The following RB1CC1 variants were observed in gnomAD, a reference collection of about 807,000 sequenced individuals.
The protein encoded by RB1CC1 is RB1-inducible coiled-coil protein 1.
RB1CC1 carries 46 observed loss-of-function variants against 177.5 expected under a neutral mutation model. The ratio of observed to expected loss-of-function variants is 0.26; its 90% CI spans 0.20 to 0.33. The LOEUF is 0.33. Ranked by LOEUF, RB1CC1 falls within the 10% of genes least tolerant of loss-of-function variation. RB1CC1 has a pLI of 1.00. For synonymous variants in RB1CC1, 666 were observed against 613.6 expected, an observed-to-expected ratio of 1.09 and a Z score of -1.26; for missense variants, 1,703 against 1,816.3, an observed-to-expected ratio of 0.94 and a Z score of 1.13.
intron 19 of RB1CC1, 122 bp downstream of exon 19, chr8:52,635,893 T>G (rs984403463): frequency 2.4e-6 from 3 of 1,227,596 alleles, no homozygotes; most frequent in African/African-American, 3.1e-5. Flanking sequence ...AAAAATAAGT[T>G]AATCATAAAA....
rs527908638 is a variant in RB1CC1, at chr8:52,685,684, T to TA, written c.-51-165dup. The stretch of plus-strand genomic sequence containing the variant: ...TGGATAGTTCAGTAAACTCAATGCT[T>TA]AAAAAAAAATAAAAATAAATAGTAA... On this transcript the variant is annotated intron_variant, in intron 2 of 23. Transcript: ENST00000025008. Among the ~76,000 whole-genome samples the TA allele has an allele frequency of 2.5e-4, 38 of 150,862 alleles. 1 individual carries two copies. The South Asian group carries it at 2.9e-3, about 12-fold the overall frequency.
At chr8:52,678,216 G>T (rs991409643) in intron 5 of RB1CC1, among the ~76,000 whole-genome samples, 1 of 152,070 alleles carries the variant, frequency 6.6e-6, no homozygotes, top group African/African-American at 2.4e-5. Context: ...TCAGGAGTTT[G>T]AGGTCAGCCT....
chr8:52,697,385 T>A (rs951847812), intron 1 of RB1CC1, among the ~76,000 whole-genome samples: 4 of 151,910 alleles, frequency 2.6e-5, no homozygotes. Context: ...TTTGTTCAGA[T>A]CCTGGATCCT....
intron 8 of RB1CC1, among the ~76,000 whole-genome samples, chr8:52,666,113 T>C (rs553799556): frequency 1.3e-5 from 2 of 152,124 alleles, no homozygotes; most frequent in South Asian, 4.1e-4. Flanking sequence ...CAAACATAAA[T>C]TATCTGCAGA....
At chr8:52,671,067 A>T (rs1254242779) in intron 7 of RB1CC1, among the ~76,000 whole-genome samples, 1 of 152,228 alleles carries the variant, frequency 6.6e-6, no homozygotes, top group East Asian at 1.9e-4. Context: ...ATGGGGGGAA[A>T]AACAATAATT....
rs1851124307 is a variant in RB1CC1 at position 52,656,851 on chromosome 8, T to C, written c.2978A>G (p.Asp993Gly). The change falls in exon 15 of 24, where the codon GAC becomes GGC. Residue 993 changes from aspartate to glycine, a missense_variant. By Grantham distance (94) the Asp-to-Gly change is moderately conservative (BLOSUM62 -1). Transcript: ENST00000025008. ...LEQSHLKELEDTLQVRHIQEF... is the reference protein window; with the variant it reads ...LEQSHLKELEGTLQVRHIQEF... ...TTGTATGTGCCTAACCTGAAGTGTG[T>C]CCTCTAATTCCTTTAGATGACTTTG... 8 of 1,613,704 alleles carry C rather than the reference T, an allele frequency of 5.0e-6. No individual in the cohort carries two copies. Among genetic ancestry groups the C allele is most frequent in the Non-Finnish European group, 6.8e-6 (8 of 1,179,978 alleles).
chr8:52,635,886 A>G, intron 19 of RB1CC1, 129 bp downstream of exon 19: 2 of 1,163,412 alleles, frequency 1.7e-6, no homozygotes, highest in Non-Finnish European at 2.4e-6. Flanking sequence ...TGACCACAAA[A>G]ATAAGTTAAT....
intron 15 of RB1CC1, among the ~76,000 whole-genome samples, chr8:52,654,091 C>CA (rs1206067208): frequency 6.6e-6 from 1 of 152,148 alleles, no homozygotes; most frequent in Non-Finnish European, 1.5e-5. Flanking sequence ...GACATGGAGA[C>CA]AAACAATGGA....
intron 22 of RB1CC1, among the ~76,000 whole-genome samples, chr8:52,626,620 A>G (rs1399524040): frequency 6.6e-6 from 1 of 152,332 alleles, no homozygotes; most frequent in East Asian, 1.9e-4. Context: ...ATATTCAAAT[A>G]AAAGGTTTAA....
intron 16 of RB1CC1, among the ~76,000 whole-genome samples, chr8:52,644,289 G>C (rs55782043): frequency 0.013 from 1,921 of 152,212 alleles, 26 homozygotes; most frequent in Non-Finnish European, 0.021. Context: ...AGGTACCTTA[G>C]AAGTCATTTC....
chr8:52,695,471 C>CGTCAG (rs1855311765), intron 1 of RB1CC1, among the ~76,000 whole-genome samples: 1 of 152,196 alleles, frequency 6.6e-6, no homozygotes, highest in Admixed American at 6.5e-5. Flanking sequence ...GCTTCAGTCA[C>CGTCAG]GTCAGTGTAG....
chr8:52,633,864 G>A (rs1013168749), intron 20 of RB1CC1, among the ~76,000 whole-genome samples: 3 of 152,086 alleles, frequency 2.0e-5, no homozygotes, highest in South Asian at 2.1e-4. Flanking sequence ...TGAGGCAGGC[G>A]GATCGCTTAA....
intron 15 of RB1CC1, among the ~76,000 whole-genome samples, chr8:52,652,929 T>C (rs570001441): frequency 1.6e-4 from 25 of 152,078 alleles, no homozygotes; most frequent in South Asian, 8.3e-4. Flanking sequence ...TGGTGGTACA[T>C]GCCTATAATC....
At position 52,656,877 on chromosome 8, in the gene RB1CC1, C is replaced by A. The variant is rs1177993388; in HGVS notation, c.2952G>T (p.Glu984Asp). 1 of 1,613,348 alleles carries A rather than the reference C, an allele frequency of 6.2e-7. No individual in the cohort carries two copies. Among genetic ancestry groups the A allele is most frequent in the Admixed American group, 1.7e-5 (1 of 60,018 alleles). Residue 984 changes from glutamate (E) to aspartate (D), a missense_variant, in exon 15 of 24, where the codon GAG becomes GAT. Around this residue, in one of 6 missense-constraint regions of RB1CC1, gnomAD observed 1,169 missense variants for 1,184.7 expected, o/e 0.99. Coordinates refer to ENST00000025008, the MANE Select transcript of RB1CC1 (RefSeq NM_014781.5). ...QLLRAELQSL[E>D]QSHLKELEDT... ...CCTCTAATTCCTTTAGATGACTTTG[C>A]TCCAAGGACTGAAGTTCTGCCCTCA...
chr8:52,633,033 G>T (rs922265338), intron 20 of RB1CC1, among the ~76,000 whole-genome samples: 2 of 152,102 alleles, frequency 1.3e-5, no homozygotes, highest in Admixed American at 6.5e-5. Context: ...GCAACCATTT[G>T]TCTCTTATCT....
intron 1 of RB1CC1, among the ~76,000 whole-genome samples, chr8:52,695,338 A>G (rs1312442447): frequency 6.6e-6 from 1 of 152,266 alleles, no homozygotes; most frequent in East Asian, 1.9e-4. Flanking sequence ...CCCACAGCAC[A>G]ACAGGCAGTG....
In RB1CC1 at chr8:52,686,930, T is replaced by C. The variant is rs755704511; in HGVS notation, c.-129A>G. The C allele has an allele frequency of 8.8e-6, 4 of 456,646 alleles. 1 individual carries two copies. Among genetic ancestry groups the C allele is most frequent in the Admixed American group, 7.1e-5 (3 of 42,548 alleles). 28.3% of individuals were successfully genotyped at this position (456,646 alleles called of 1,614,324 possible). A position where few individuals can be genotyped will look rare whatever the true frequency, so the allele number is the denominator to read the frequency against. ...TGGCTTATGTTTGCTTTGCTTGAGA[T>C]TGGCAACTGAATGGCATTACTGGTT... On this transcript the variant is annotated 5_prime_UTR_variant, in exon 2 of 24. Transcript: ENST00000025008.
chr8:52,712,919 C>T (rs949836246), intron 1 of RB1CC1, among the ~76,000 whole-genome samples: 5 of 152,320 alleles, frequency 3.3e-5, no homozygotes, highest in African/African-American at 1.2e-4. Flanking sequence ...AGCCACCTCC[C>T]TCAGTAGTTC....
intron 7 of RB1CC1, among the ~76,000 whole-genome samples, chr8:52,670,171 T>C (rs1033879204): frequency 3.3e-5 from 5 of 152,126 alleles, no homozygotes; most frequent in Non-Finnish European, 7.4e-5. Flanking sequence ...GCTCAGGCAA[T>C]GGACTCCCAC....
Sources: allele counts gnomAD v4.1 joint callset (sites outside exome capture counted in the v4.1 genomes callset), GRCh38; gene constraint gnomAD v4.1.1; regional missense constraint gnomAD v4.1.1; transcripts MANE v1.5; gene names NCBI Gene and HGNC (gene_info 2026-07-23, HGNC 2026-07-21).